COL25A1: variants seen among roughly 807,000 people sequenced by gnomAD.
COL25A1 encodes the protein collagen type XXV alpha 1 chain.
In COL25A1, 103 loss-of-function variants were observed where a neutral mutation model predicts 128.4. The ratio of observed to expected loss-of-function variants is 0.80; its 90% confidence interval spans 0.68 to 0.94. The LOEUF (loss-of-function observed/expected upper bound fraction) is 0.94. Ranked by LOEUF, COL25A1 falls within the 40% of genes least tolerant of loss-of-function variation. The pLI is 0.00. For synonymous variants in COL25A1, 279 were observed against 277.2 expected, an observed-to-expected ratio of 1.01 and a Z score of -0.06; for missense variants, 745 against 840.0, an observed-to-expected ratio of 0.89 and a Z score of 1.40.
chr4:109,185,710 T>C (rs1385486148), intron 3 of COL25A1, among the ~76,000 whole-genome samples: 1 of 152,200 alleles, frequency 6.6e-6, no homozygotes. Flanking sequence ...GGTGTGGCCC[T>C]GATCTAACAG....
intron 3 of COL25A1, among the ~76,000 whole-genome samples, chr4:109,166,737 T>C (rs1241030101): frequency 1.3e-5 from 2 of 152,218 alleles, no homozygotes; most frequent in Non-Finnish European, 2.9e-5. Flanking sequence ...CACTTTGCCA[T>C]TGTGTTTCTC....
intron 18 of COL25A1, among the ~76,000 whole-genome samples, chr4:108,886,492 G>GTGTGTGTTTT (rs58157157): frequency 0.027 from 2,910 of 109,182 alleles, 119 homozygotes; most frequent in East Asian, 0.065. Context: ...GTGTGTGTGT[G>GTGTGTGTTTT]TTTAGCTCAT....
At position 108,933,427 on chromosome 4, in the gene COL25A1, A is replaced by T. The variant is rs551711171; in HGVS notation, c.708+4381T>A. 2.6e-5 allele frequency among the ~76,000 whole-genome samples: 4 copies of T among 152,348 alleles called. No individual in the cohort carries two copies. In the South Asian group the frequency reaches 8.3e-4, roughly 32 times the overall value. On this transcript the variant is annotated intron_variant, in intron 11 of 37. Coordinates refer to ENST00000399132, the MANE Select transcript of COL25A1 (RefSeq NM_198721.4). ...AGAAGGAGAATGTTATGAAAAATTA[A>T]TAATGTAAGATGATATGATATTTAG...
At chr4:109,157,467 G>T (rs953630374) in intron 3 of COL25A1, among the ~76,000 whole-genome samples, 1 of 152,048 alleles carries the variant, frequency 6.6e-6, no homozygotes, top group African/African-American at 2.4e-5. Context: ...TTCCTGTGGG[G>T]TTTCTCCAAT....
Position 109,213,276 on chromosome 4 carries a change from G to C in COL25A1, c.367+87307C>G, listed in dbSNP as rs185672658. On this transcript the variant is annotated intron_variant, in intron 3 of 37. Transcript: ENST00000399132. ...ATAATACTAATCATAAGAAACATAT[G>C]TGGTAGATTACAGACAGCTGCAAAG... is the stretch of plus-strand genomic sequence containing the variant. Among the ~76,000 whole-genome samples the C allele has an allele frequency of 1.2e-3, 187 of 152,234 alleles. 2 individuals are homozygous for C. The highest frequency in any genetic ancestry group is 4.1e-3 in the African/African-American group (172 of 41,552).
intron 35 of COL25A1, among the ~76,000 whole-genome samples, chr4:108,820,868 T>C (rs1731710522): frequency 6.6e-6 from 1 of 152,054 alleles, no homozygotes; most frequent in Non-Finnish European, 1.5e-5. Flanking sequence ...GCATGGATCA[T>C]AAGGCCAGAG....
At chr4:109,060,407 G>GC (rs1283944181) in intron 3 of COL25A1, among the ~76,000 whole-genome samples, 2 of 151,960 alleles carry the variant, frequency 1.3e-5, no homozygotes, top group Non-Finnish European at 1.5e-5. Flanking sequence ...CCACCTCATT[G>GC]CCCTCTTGCT....
At chr4:108,974,628 G>T in intron 6 of COL25A1, 69 bp from the exon 7 acceptor site, 1 of 1,283,044 alleles carries the variant, frequency 7.8e-7, no homozygotes, top group Non-Finnish European at 1.1e-6. Context: ...GATCAGCCAG[G>T]TTAGTTGAAA....
At chr4:109,058,323 GT>G (rs1761634725) in intron 3 of COL25A1, among the ~76,000 whole-genome samples, 2 of 152,248 alleles carry the variant, frequency 1.3e-5, no homozygotes, top group Middle Eastern at 3.4e-3. Context: ...ATGTCAGAGA[GT>G]AGGGGTTGGG....
chr4:109,297,861 T>C (rs1192352836), intron 3 of COL25A1, among the ~76,000 whole-genome samples: 2 of 107,056 alleles, frequency 1.9e-5, no homozygotes, highest in African/African-American at 8.1e-5. Flanking sequence ...TTTTTCCTTT[T>C]CTTTTTTTTT....
intron 3 of COL25A1, among the ~76,000 whole-genome samples, chr4:109,078,835 T>G (rs3096494): frequency 7.5e-4 from 114 of 152,266 alleles, no homozygotes; most frequent in African/African-American, 2.7e-3. Flanking sequence ...CTGAACACCT[T>G]CCTGGTATGA....
chr4:109,301,884 C>T lies in COL25A1; in HGVS notation c.136G>A (p.Val46Met), dbSNP rs1485385239. 3.7e-6 allele frequency: 6 copies of T among 1,614,192 alleles called. No homozygotes were observed. Among genetic ancestry groups the T allele is most frequent in the Admixed American group, 1.7e-5 (1 of 60,032 alleles). ...VLAALLSVVA[V>M]VSCLYLGVKT... ...ACACCCAGGTACAGGCAAGACACCA[C>T]GGCCACCACTGACAGGAGGGCCGCC... is the stretch of plus-strand genomic sequence containing the variant. The change falls in exon 2 of 38, where the codon GTG (valine) becomes ATG (methionine). Residue 46 changes from valine to methionine, a missense_variant. Val to Met is a conservative substitution (Grantham distance 21). Transcript: ENST00000399132.
chr4:109,065,021 G>A (rs571402937), intron 3 of COL25A1, among the ~76,000 whole-genome samples: 100 of 152,280 alleles, frequency 6.6e-4, no homozygotes, highest in African/African-American at 2.1e-3. Context: ...ATTCTTATTG[G>A]CTTTCCAGAA....
chr4:109,093,454 T>G (rs1192995181), intron 3 of COL25A1, among the ~76,000 whole-genome samples: 1 of 88,198 alleles, frequency 1.1e-5, no homozygotes, highest in African/African-American at 7.1e-5. Flanking sequence ...ACTCCATCTC[T>G]ATGAAAAAAA....
intron 35 of COL25A1, among the ~76,000 whole-genome samples, chr4:108,822,505 C>T (rs927344205): frequency 2.6e-5 from 4 of 152,152 alleles, no homozygotes; most frequent in African/African-American, 9.7e-5. Flanking sequence ...CAGCCTCAAA[C>T]TCTTGAGTTC....
intron 3 of COL25A1, among the ~76,000 whole-genome samples, chr4:109,056,278 T>G (rs1761438407): frequency 6.6e-6 from 1 of 152,090 alleles, no homozygotes; most frequent in Non-Finnish European, 1.5e-5. Context: ...CTAGTAAGAT[T>G]TTTACTGTAT....
intron 3 of COL25A1, among the ~76,000 whole-genome samples, chr4:109,083,871 T>C (rs1764114411): frequency 1.3e-5 from 2 of 152,172 alleles, no homozygotes; most frequent in Non-Finnish European, 2.9e-5. Context: ...GGAATAGCTT[T>C]TATCTCCCTA....
chr4:108,844,523 G>A lies in COL25A1; in HGVS notation c.1625C>T (p.Pro542Leu). 1 of 1,614,066 alleles carries A rather than the reference G, an allele frequency of 6.2e-7. No homozygotes were observed. Among genetic ancestry groups the A allele is most frequent in the Non-Finnish European group, 8.5e-7 (1 of 1,179,960 alleles). The change falls in exon 30 of 38, where the codon CCC becomes CTC. Residue 542 changes from proline to leucine, a missense_variant. Coordinates refer to ENST00000399132, the MANE Select transcript of COL25A1 (RefSeq NM_198721.4). Reference protein sequence around the residue: ...GPPGPHGPPGPMGPHGLPGPK... With the variant: ...GPPGPHGPPGLMGPHGLPGPK... The stretch of plus-strand genomic sequence containing the variant: ...TCAGAAAGAAGGGAAACTTACCATG[G>A]GGCCAGGTGGGCCATGGGGACCTGG...
chr4:109,207,494 C>CT (rs1777109871), intron 3 of COL25A1, among the ~76,000 whole-genome samples: 1 of 152,174 alleles, frequency 6.6e-6, no homozygotes, highest in African/African-American at 2.4e-5. Flanking sequence ...TGACAAAACA[C>CT]TTAAGATATA....
Sources: allele counts gnomAD v4.1 joint callset (sites outside exome capture counted in the v4.1 genomes callset), GRCh38; gene constraint gnomAD v4.1.1; transcripts MANE v1.5; gene names NCBI Gene and HGNC (gene_info 2026-07-23, HGNC 2026-07-21).